PHACTR1: variants seen among roughly 807,000 people sequenced by gnomAD.
PHACTR1 encodes RPEL repeat containing 1.
In PHACTR1, 16 loss-of-function variants were observed where a neutral mutation model predicts 69.2. The ratio of observed to expected loss-of-function variants is 0.23; its 90% CI spans 0.16 to 0.35. The LOEUF is 0.35. Ranked by LOEUF, PHACTR1 falls within the 10% of genes least tolerant of loss-of-function variation. The pLI is 1.00. For synonymous variants in PHACTR1, 312 were observed against 284.5 expected (o/e 1.10, Z -0.97); for missense variants, 510 against 734.7 (o/e 0.69, Z 3.54).
intron 4 of PHACTR1, among the ~76,000 whole-genome samples, chr6:12,874,889 C>T (rs1171164496): frequency 6.6e-5 from 10 of 152,190 alleles, no homozygotes; most frequent in Non-Finnish European, 1.0e-4. Flanking sequence ...GAGTTGGGAA[C>T]GCCCTCACCC....
At chr6:12,931,125 A>C (rs1208821664) in intron 4 of PHACTR1, among the ~76,000 whole-genome samples, 3 of 152,104 alleles carry the variant, frequency 2.0e-5, no homozygotes, top group Non-Finnish European at 4.4e-5. Context: ...ATAGTGGCTT[A>C]AGATCGAAAT....
chr6:12,884,818 C>A (rs892647776), intron 4 of PHACTR1, among the ~76,000 whole-genome samples: 1 of 152,110 alleles, frequency 6.6e-6, no homozygotes, highest in African/African-American at 2.4e-5. Flanking sequence ...CACACACTCA[C>A]AAACACACAC....
At position 13,287,180 on chromosome 6, in the gene PHACTR1, C is replaced by A. The variant is rs1781857550; in HGVS notation, c.*102C>A. 1.8e-6 allele frequency: 2 copies of A among 1,138,044 alleles called. No individual in the cohort carries two copies. Among genetic ancestry groups the A allele is most frequent in the East Asian group, 5.4e-5 (2 of 36,874 alleles). 70.5% of individuals were successfully genotyped at this position (1,138,044 alleles called of 1,614,324 possible). ...ACTTCCCCATTACGATGTAAATCTT[C>A]TGAACTGCCTTTTTTTTAAAAAGAA... On this transcript the variant is annotated 3_prime_UTR_variant, in exon 15 of 15. Coordinates refer to ENST00000332995, the MANE Select transcript of PHACTR1 (RefSeq NM_030948.6).
intron 4 of PHACTR1, among the ~76,000 whole-genome samples, chr6:12,905,919 G>A (rs74459901): frequency 0.015 from 2,237 of 152,300 alleles, 50 homozygotes; most frequent in African/African-American, 0.051. Context: ...TAGTAAAGAG[G>A]TTGAATGAAT....
At chr6:13,225,087 ACT>A (rs1769375109) in intron 8 of PHACTR1, among the ~76,000 whole-genome samples, 1 of 151,610 alleles carries the variant, frequency 6.6e-6, no homozygotes, top group South Asian at 2.1e-4. Context: ...TAACTTCTAT[ACT>A]CTCCTTTCTT....
intron 5 of PHACTR1, among the ~76,000 whole-genome samples, chr6:13,067,710 T>C (rs540738258): frequency 6.6e-6 from 1 of 152,244 alleles, no homozygotes; most frequent in Admixed American, 6.5e-5. Flanking sequence ...TCAATATAAC[T>C]ATCTCTTTCT....
intron 5 of PHACTR1, among the ~76,000 whole-genome samples, chr6:13,075,154 CAT>C (rs1276556035): frequency 6.6e-6 from 1 of 152,160 alleles, no homozygotes; most frequent in East Asian, 1.9e-4. Context: ...GGTTTATCAA[CAT>C]ATATATTACT....
At chr6:13,147,155 A>G (rs1045725185) in intron 5 of PHACTR1, among the ~76,000 whole-genome samples, 3 of 152,240 alleles carry the variant, frequency 2.0e-5, no homozygotes, top group Non-Finnish European at 4.4e-5. Context: ...TTATCAAGTC[A>G]TGTTTTACCA....
chr6:12,984,135 A>G (rs1165348896), intron 4 of PHACTR1, among the ~76,000 whole-genome samples: 1 of 152,220 alleles, frequency 6.6e-6, no homozygotes, highest in Non-Finnish European at 1.5e-5. Context: ...GTCTTTCACA[A>G]TGGTTGGACT....
intron 8 of PHACTR1, among the ~76,000 whole-genome samples, chr6:13,220,859 C>G (rs1237070392): frequency 6.6e-6 from 1 of 152,194 alleles, no homozygotes; most frequent in African/African-American, 2.4e-5. Flanking sequence ...ACTTATCCAT[C>G]AGTTCCAAAC....
At chr6:13,116,750 G>A (rs1391356115) in intron 5 of PHACTR1, among the ~76,000 whole-genome samples, 2 of 152,152 alleles carry the variant, frequency 1.3e-5, no homozygotes, top group African/African-American at 4.8e-5. Flanking sequence ...AATAACTGCT[G>A]GAGAGAGAAT....
intron 4 of PHACTR1, among the ~76,000 whole-genome samples, chr6:13,022,267 C>T (rs1160767725): frequency 6.6e-6 from 1 of 152,126 alleles, no homozygotes; most frequent in Non-Finnish European, 1.5e-5. Context: ...ATGAGGAGGC[C>T]GAGGGGACCT....
chr6:12,921,271 A>G (rs1787620304), intron 4 of PHACTR1, among the ~76,000 whole-genome samples: 1 of 152,206 alleles, frequency 6.6e-6, no homozygotes, highest in Admixed American at 6.5e-5. Flanking sequence ...CCACTTTGTT[A>G]GGAACCAGCA....
chr6:13,038,686 C>T (rs1036895086), intron 4 of PHACTR1, among the ~76,000 whole-genome samples: 4 of 152,132 alleles, frequency 2.6e-5, no homozygotes, highest in African/African-American at 7.2e-5. Flanking sequence ...TTAGGTTCAG[C>T]TGCATAAAAC....
At chr6:12,955,994 C>T (rs1582684083) in intron 4 of PHACTR1, among the ~76,000 whole-genome samples, 1 of 152,262 alleles carries the variant, frequency 6.6e-6, no homozygotes, top group East Asian at 1.9e-4. Context: ...TCTAATGTCA[C>T]ATATTTTAAC....
intron 4 of PHACTR1, among the ~76,000 whole-genome samples, chr6:12,921,078 C>T (rs967704985): frequency 4.6e-5 from 7 of 152,222 alleles, no homozygotes; most frequent in African/African-American, 7.2e-5. Context: ...ACTTAGGGTG[C>T]AGACTTTCAG....
chr6:12,967,229 A>G (rs1793612005), intron 4 of PHACTR1, among the ~76,000 whole-genome samples: 1 of 152,208 alleles, frequency 6.6e-6, no homozygotes, highest in Admixed American at 6.5e-5. Flanking sequence ...TTATCAGAAT[A>G]TTGGGCTCCT....
At chr6:13,187,868 T>C (rs2113756293) in intron 7 of PHACTR1, among the ~76,000 whole-genome samples, 1 of 152,282 alleles carries the variant, frequency 6.6e-6, no homozygotes, top group Middle Eastern at 3.4e-3. Flanking sequence ...AACCAGTAGA[T>C]ATGACATTGT....
At chr6:13,101,996 T>A (rs188114528) in intron 5 of PHACTR1, among the ~76,000 whole-genome samples, 1 of 152,368 alleles carries the variant, frequency 6.6e-6, no homozygotes, top group East Asian at 1.9e-4. Context: ...GAGGTCTTGC[T>A]GAACGTCCAT....
Sources: gnomAD v4.1 joint callset for allele counts (sites outside exome capture counted in the v4.1 genomes callset) on GRCh38, gnomAD v4.1.1 for gene constraint, MANE v1.5 for transcripts, NCBI Gene and HGNC (gene_info 2026-07-23, HGNC 2026-07-21) for gene names.